CRYZL1: variants seen among roughly 807,000 people sequenced by gnomAD.
CRYZL1 encodes crystallin zeta like 1.
CRYZL1 carries 34 observed loss-of-function variants against 50.6 expected under a neutral mutation model. The ratio of observed to expected loss-of-function variants is 0.67; its 90% CI spans 0.51 to 0.89. The LOEUF is 0.89. CRYZL1 is among the 40% of genes least tolerant of loss of function. CRYZL1 has a pLI of 0.00. For missense variants in CRYZL1, 354 were observed against 402.3 expected (o/e 0.88, Z 1.03); for synonymous variants, 125 against 134.3 (o/e 0.93, Z 0.48).
chr21:33,601,303 T>G (rs1199437424), intron 8 of CRYZL1, among the ~76,000 whole-genome samples: 2 of 152,246 alleles, frequency 1.3e-5, no homozygotes, highest in Non-Finnish European at 2.9e-5. Flanking sequence ...CTCCAGCCCC[T>G]GTATTGCCTT....
At chr21:33,605,431 G>C (rs1468916200) in intron 6 of CRYZL1, among the ~76,000 whole-genome samples, 3 of 151,450 alleles carry the variant, frequency 2.0e-5, no homozygotes, top group South Asian at 2.1e-4. Context: ...AGTTCCGCAT[G>C]ATCTGACCGT....
intron 1 of CRYZL1, among the ~76,000 whole-genome samples, chr21:33,637,870 C>T (rs1470398994): frequency 6.6e-6 from 1 of 151,082 alleles, no homozygotes; most frequent in Non-Finnish European, 1.5e-5. Flanking sequence ...TATGCTCAAC[C>T]TGGTCACCAT....
intron 2 of CRYZL1, among the ~76,000 whole-genome samples, chr21:33,626,014 C>A (rs919358476): frequency 6.6e-6 from 1 of 151,254 alleles, no homozygotes; most frequent in Non-Finnish European, 1.5e-5. Flanking sequence ...AGTGCAGTGG[C>A]GCAATCTCAG....
intron 6 of CRYZL1, among the ~76,000 whole-genome samples, chr21:33,607,592 A>T (rs1250185480): frequency 1.3e-5 from 2 of 152,184 alleles, no homozygotes; most frequent in Non-Finnish European, 2.9e-5. Context: ...TGATAATTCC[A>T]CTTCACTGCA....
intron 6 of CRYZL1, among the ~76,000 whole-genome samples, chr21:33,611,503 T>C (rs1383609923): frequency 6.6e-6 from 1 of 152,234 alleles, no homozygotes. Context: ...TTTGGTAGCC[T>C]AGCTCAAGTT....
chr21:33,597,446 A>C (rs1239335951), intron 9 of CRYZL1, 45 bp from the exon 10 acceptor site: 1 of 1,383,734 alleles, frequency 7.2e-7, no homozygotes, highest in Admixed American at 1.8e-5. Context: ...GAAGAAATAT[A>C]TTTTATAATA....
intron 8 of CRYZL1, among the ~76,000 whole-genome samples, chr21:33,599,541 A>G (rs2086729096): frequency 6.6e-6 from 1 of 152,162 alleles, no homozygotes; most frequent in African/African-American, 2.4e-5. Flanking sequence ...ACAGAGCACT[A>G]TTCTCTACAG....
chr21:33,626,489 G>C (rs2087064937), intron 2 of CRYZL1, among the ~76,000 whole-genome samples: 1 of 151,716 alleles, frequency 6.6e-6, no homozygotes, highest in African/African-American at 2.4e-5. Context: ...TTAAGGTCAG[G>C]AGTTTGAGAC....
intron 1 of CRYZL1, chr21:33,640,247 ATC>A: frequency 6.5e-7 from 1 of 1,542,336 alleles, no homozygotes; most frequent in Non-Finnish European, 8.7e-7. Context: ...TGGCAGCTTT[ATC>A]TTGTATGGCG....
chr21:33,624,794 T>C, intron 2 of CRYZL1, 34 bp from the exon 3 acceptor site: 1 of 1,576,594 alleles, frequency 6.3e-7, no homozygotes, highest in Non-Finnish European at 8.5e-7. Flanking sequence ...AATATGTTAT[T>C]TTACACATTC....
chr21:33,619,560 TTC>T (rs1012162078), intron 4 of CRYZL1, among the ~76,000 whole-genome samples: 12 of 151,888 alleles, frequency 7.9e-5, no homozygotes, highest in African/African-American at 2.7e-4. Context: ...TAATTTTTTT[TTC>T]TTTTTCTTTT....
rs573915344 is a variant in CRYZL1 at position 33,614,697 on chromosome 21, G to A, written c.263-1091C>T. ...AGCGATTCTCCTGCCTCAGCCTCCC[G>A]AGTAGCTGGGATTACAGGCGTGCAC... On this transcript the variant is annotated intron_variant, in intron 5 of 12. Transcript: ENST00000381554. 1.1e-4 allele frequency among the ~76,000 whole-genome samples: 16 copies of A among 152,088 alleles called. No homozygotes were observed. In the South Asian group the frequency reaches 1.5e-3, roughly 14 times the overall value.
rs186834445 is a variant in CRYZL1 at position 33,605,657 on chromosome 21, G to A, written c.332-2120C>T. The stretch of plus-strand genomic sequence containing the variant: ...CTGCCTCAGCCTCCCAAGTAGCTGG[G>A]ATTACAGGTGCACACCACCAGGCCT... On this transcript the variant is annotated intron_variant, in intron 6 of 12. Transcript: ENST00000381554. Among the ~76,000 whole-genome samples, 527 of 151,050 alleles carry A rather than the reference G, an allele frequency of 3.5e-3. 4 individuals carry two copies. The highest frequency in any genetic ancestry group is 0.012 in the African/African-American group (498 of 41,126).
chr21:33,614,674 C>T (rs1434524253), intron 5 of CRYZL1, among the ~76,000 whole-genome samples: 2 of 152,186 alleles, frequency 1.3e-5, no homozygotes, highest in Middle Eastern at 3.4e-3. Context: ...TGGGTTCAAG[C>T]GATTCTCCTG....
Position 33,589,574 on chromosome 21 carries a change from A to G in CRYZL1, c.*248T>C. ...TTTATAGCAGGGGCAAAATATATAG[A>G]AACAATGAAAAGGTTTTTAGAAAAA... On this transcript the variant is annotated 3_prime_UTR_variant, in exon 13 of 13. Coordinates refer to ENST00000381554, the MANE Select transcript of CRYZL1 (RefSeq NM_145858.3). 1 of 506,110 alleles carries G rather than the reference A, an allele frequency of 2.0e-6. No homozygotes were observed. The highest frequency in any genetic ancestry group is 3.2e-5 in the South Asian group (1 of 30,850). 31.4% of individuals were successfully genotyped at this position (506,110 alleles called of 1,614,324 possible).
chr21:33,589,592 T>C lies in CRYZL1; in HGVS notation c.*230A>G. On this transcript the variant is annotated 3_prime_UTR_variant, in exon 13 of 13. Transcript: ENST00000381554. ...TATATAGAAACAATGAAAAGGTTTTTAGAAAAATTCCCTTAAGATGTTAAT... is the reference window on the plus strand; with the variant it reads ...TATATAGAAACAATGAAAAGGTTTTCAGAAAAATTCCCTTAAGATGTTAAT... The C allele has an allele frequency of 3.9e-6, 2 of 508,760 alleles. No individual in the cohort carries two copies. The highest frequency in any genetic ancestry group is 7.0e-6 in the Non-Finnish European group (2 of 286,134). The allele number at this position is 508,760 out of a possible 1,614,324, so 31.5% of individuals were successfully genotyped here. A position where few individuals can be genotyped will look rare whatever the true frequency, so the allele number is the denominator to read the frequency against.
At chr21:33,634,904 T>TATATATATATATAA (rs1491266388) in intron 1 of CRYZL1, among the ~76,000 whole-genome samples, 4 of 135,370 alleles carry the variant, frequency 3.0e-5, no homozygotes, top group Admixed American at 7.3e-5. Flanking sequence ...TATATATATA[T>TATATATATATATAA]AAAATAATGG....
At chr21:33,636,354 C>T (rs2087206658) in intron 1 of CRYZL1, among the ~76,000 whole-genome samples, 1 of 152,166 alleles carries the variant, frequency 6.6e-6, no homozygotes, top group Admixed American at 6.5e-5. Flanking sequence ...CAGAGTGAAA[C>T]CCTGTCTCTT....
At chr21:33,611,331 G>A (rs747820878) in intron 6 of CRYZL1, among the ~76,000 whole-genome samples, 3 of 152,068 alleles carry the variant, frequency 2.0e-5, no homozygotes, top group Non-Finnish European at 4.4e-5. Context: ...CTTCATGTAC[G>A]TTCCAATAAG....
Sources: gnomAD v4.1 joint callset for allele counts (sites outside exome capture counted in the v4.1 genomes callset) on GRCh38, gnomAD v4.1.1 for gene constraint, MANE v1.5 for transcripts, NCBI Gene and HGNC (gene_info 2026-07-23, HGNC 2026-07-21) for gene names.